The following UBE2V2 variants were observed in gnomAD, a reference collection of about 807,000 sequenced individuals.
UBE2V2 encodes ubiquitin-conjugating enzyme E2 variant 2.
A neutral mutation model predicts 17.2 loss-of-function variants in UBE2V2; 9 were observed. That is an observed-to-expected ratio of 0.52 (90% CI 0.32 to 0.91). The LOEUF (loss-of-function observed/expected upper bound fraction) is 0.91. Ranked by LOEUF, UBE2V2 falls within the 40% of genes least tolerant of loss-of-function variation. UBE2V2 has a pLI of 0.04. For missense variants in UBE2V2, 133 were observed against 182.6 expected (o/e 0.73, Z 1.56); for synonymous variants, 61 against 57.5 (o/e 1.06, Z -0.28).
At chr8:48,043,841 A>G (rs762787620) in intron 2 of UBE2V2, among the ~76,000 whole-genome samples, 12 of 152,106 alleles carry the variant, frequency 7.9e-5, no homozygotes, top group African/African-American at 1.4e-4. Flanking sequence ...ATGGTTGGCA[A>G]CTGGCCCATT....
intron 3 of UBE2V2, among the ~76,000 whole-genome samples, chr8:48,055,684 C>T (rs961509265): frequency 9.9e-5 from 15 of 152,062 alleles, no homozygotes; most frequent in Non-Finnish European, 1.8e-4. Context: ...TTTTGTTCTT[C>T]CCAAAGCAAA....
intron 2 of UBE2V2, among the ~76,000 whole-genome samples, chr8:48,044,234 T>C (rs992680856): frequency 6.6e-6 from 1 of 152,078 alleles, no homozygotes; most frequent in Non-Finnish European, 1.5e-5. Context: ...GATCTCAGCA[T>C]ACTGCAATCT....
intron 1 of UBE2V2, among the ~76,000 whole-genome samples, chr8:48,029,792 T>G (rs2091370501): frequency 1.3e-5 from 2 of 152,232 alleles, no homozygotes. Flanking sequence ...TTTTACCTCA[T>G]AAACAGTGAT....
intron 2 of UBE2V2, among the ~76,000 whole-genome samples, chr8:48,045,659 C>T (rs534302276): frequency 2.6e-5 from 4 of 152,240 alleles, no homozygotes; most frequent in Admixed American, 2.6e-4. Context: ...TCATCAGAGA[C>T]CCCCTCACTT....
chr8:48,014,538 G>A (rs1024008226), intron 1 of UBE2V2, among the ~76,000 whole-genome samples: 1 of 151,430 alleles, frequency 6.6e-6, no homozygotes, highest in African/African-American at 2.4e-5. Context: ...CCAGCTACTC[G>A]GGAGGCTGAG....
At position 48,060,810 on chromosome 8, in the gene UBE2V2, A is replaced by T. The variant is rs1269798458; in HGVS notation, c.420A>T (p.Gly140=). Reference sequence around the variant, plus strand: ...TGAAGCTTCCACAGCCACCAGAAGGACAAACATACAACAATTAATTTTAGT... The same window carrying T: ...TGAAGCTTCCACAGCCACCAGAAGGTCAAACATACAACAATTAATTTTAGT... ...ENMKLPQPPE[G]QTYNN Residue 140 remains glycine, a synonymous_variant, in exon 4 of 4, where the codon GGA becomes GGT. Coordinates refer to ENST00000523111, the MANE Select transcript of UBE2V2 (RefSeq NM_003350.3). 1 of 1,533,888 alleles carries T rather than the reference A, an allele frequency of 6.5e-7. No homozygotes were observed. The highest frequency in any genetic ancestry group is 8.8e-7 in the Non-Finnish European group (1 of 1,142,592).
At chr8:48,030,817 T>C (rs1423230782) in intron 1 of UBE2V2, among the ~76,000 whole-genome samples, 1 of 150,366 alleles carries the variant, frequency 6.7e-6, no homozygotes, top group African/African-American at 2.4e-5. Flanking sequence ...AAGTCAGGAG[T>C]TTGAGACCAG....
intron 1 of UBE2V2, among the ~76,000 whole-genome samples, chr8:48,009,358 C>G (rs2091211756): frequency 6.7e-6 from 1 of 150,064 alleles, no homozygotes; most frequent in African/African-American, 2.5e-5. Context: ...CTCCACCTCC[C>G]AGGTTCAAGT....
rs1297134536 is a variant in UBE2V2 at position 48,060,883 on chromosome 8, T to A, written c.*55T>A. 2 of 1,381,966 alleles carry A rather than the reference T, an allele frequency of 1.4e-6. No individual in the cohort carries two copies. Among genetic ancestry groups the A allele is most frequent in the South Asian group, 2.0e-5 (1 of 49,934 alleles). 85.6% of individuals were successfully genotyped at this position (1,381,966 alleles called of 1,614,324 possible). A position where few individuals can be genotyped will look rare whatever the true frequency, so the allele number is the denominator to read the frequency against. On this transcript the variant is annotated 3_prime_UTR_variant, in exon 4 of 4. Transcript: ENST00000523111. ...CAACAACCTTCTACTCATGTTAATG[T>A]CTTGATTAAATATCACAATGCAAAA...
intron 1 of UBE2V2, among the ~76,000 whole-genome samples, chr8:48,032,844 G>A (rs2091393229): frequency 6.6e-6 from 1 of 152,154 alleles, no homozygotes; most frequent in Admixed American, 6.6e-5. Flanking sequence ...TCTTGAGAGT[G>A]GGGTTGTAAC....
intron 1 of UBE2V2, among the ~76,000 whole-genome samples, chr8:48,013,038 G>T (rs1276786311): frequency 1.3e-5 from 2 of 151,904 alleles, no homozygotes; most frequent in Non-Finnish European, 2.9e-5. Context: ...GTAGAGACAG[G>T]GTTTCACCAT....
chr8:48,038,970 C>A lies in UBE2V2; in HGVS notation c.17-4063C>A, dbSNP rs1376640129. Among the ~76,000 whole-genome samples the A allele has an allele frequency of 2.0e-5, 3 of 150,972 alleles. No homozygotes were observed. In the East Asian group the frequency reaches 5.8e-4, roughly 29 times the overall value. On this transcript the variant is annotated intron_variant, in intron 1 of 3. Coordinates refer to ENST00000523111, the MANE Select transcript of UBE2V2 (RefSeq NM_003350.3). ...TTGAGACAGAGTCTTGCTCTGTCAC[C>A]CAGGCTGAAGTGCAGTGGCGTGATC... is the stretch of plus-strand genomic sequence containing the variant.
intron 1 of UBE2V2, chr8:48,042,290 G>A (rs952382095): frequency 2.0e-4 from 31 of 152,110 alleles, no homozygotes; most frequent in Admixed American, 6.6e-5. Flanking sequence ...ATTAAAAAAT[G>A]TATTATCTAA....
chr8:48,044,955 C>T (rs921638231), intron 2 of UBE2V2, among the ~76,000 whole-genome samples: 1 of 152,218 alleles, frequency 6.6e-6, no homozygotes, highest in Non-Finnish European at 1.5e-5. Flanking sequence ...TGTCGTGGAC[C>T]GGTTCCTGCT....
intron 3 of UBE2V2, among the ~76,000 whole-genome samples, chr8:48,054,359 C>T (rs2091558863): frequency 6.6e-6 from 1 of 152,130 alleles, no homozygotes; most frequent in Non-Finnish European, 1.5e-5. Context: ...AATGTCAGCC[C>T]CACCAGTGGT....
rs181301582 is a variant in UBE2V2, at chr8:48,047,380, A to G, written c.166-2473A>G. Among the ~76,000 whole-genome samples the G allele has an allele frequency of 6.8e-3, 1,037 of 152,282 alleles. 9 individuals are homozygous for G. The highest frequency in any genetic ancestry group is 0.025 in the South Asian group (119 of 4,824). ...GTTTAGTACTTTTTCAAGTTTTCTC[A>G]TATTTAATGAAGGTACTGTCCCCAT... On this transcript the variant is annotated intron_variant, in intron 2 of 3. Transcript: ENST00000523111.
chr8:48,016,227 T>A (rs531610411), intron 1 of UBE2V2, among the ~76,000 whole-genome samples: 3 of 152,194 alleles, frequency 2.0e-5, no homozygotes, highest in African/African-American at 7.2e-5. Flanking sequence ...GATACTTAGG[T>A]TGATTCTATA....
chr8:48,017,704 G>A (rs904044703), intron 1 of UBE2V2, among the ~76,000 whole-genome samples: 2 of 151,948 alleles, frequency 1.3e-5, no homozygotes, highest in Non-Finnish European at 2.9e-5. Context: ...TTGCAGTGCA[G>A]GAGATTTTTA....
chr8:48,005,801 T>C (rs1044374955), upstream of UBE2V2, among the ~76,000 whole-genome samples: 4 of 152,222 alleles, frequency 2.6e-5, no homozygotes, highest in African/African-American at 7.2e-5. Context: ...GTTTGTTGGC[T>C]GCATAAATGT....
Sources: allele counts gnomAD v4.1 joint callset (sites outside exome capture counted in the v4.1 genomes callset), GRCh38; gene constraint gnomAD v4.1.1; transcripts MANE v1.5; gene names NCBI Gene and HGNC (gene_info 2026-07-23, HGNC 2026-07-21).